LCOR: variants seen among roughly 807,000 people sequenced by gnomAD.
LCOR encodes the protein ligand-dependent corepressor.
LCOR carries 14 observed loss-of-function variants against 64.4 expected under a neutral mutation model. The ratio of observed to expected loss-of-function variants is 0.22; its 90% confidence interval spans 0.14 to 0.34. The LOEUF is 0.34. LCOR is among the 10% of genes least tolerant of loss of function. LCOR has a pLI of 1.00. For missense variants in LCOR, 1,686 were observed against 1,765.3 expected, an observed-to-expected ratio of 0.96 and a Z score of 0.80; for synonymous variants, 643 against 642.5, an observed-to-expected ratio of 1.00 and a Z score of -0.01.
At chr10:96,844,230 A>G (rs1845590497) in intron 2 of LCOR, among the ~76,000 whole-genome samples, 1 of 149,796 alleles carries the variant, frequency 6.7e-6, no homozygotes, top group African/African-American at 2.5e-5. Context: ...AACTCAGTGC[A>G]GCCTCCGACT....
At chr10:96,897,915 T>C (rs1275677943) in intron 2 of LCOR, among the ~76,000 whole-genome samples, 1 of 151,278 alleles carries the variant, frequency 6.6e-6, no homozygotes. Flanking sequence ...TACCCTTCTG[T>C]TTTATTTCTA....
At chr10:96,915,924 A>T in intron 4 of LCOR, 1 of 393,196 alleles carries the variant, frequency 2.5e-6, no homozygotes. Context: ...CGGCGGCAGG[A>T]TGTAGGTGCT....
chr10:96,979,706 A>ACT (rs1226106329), intron 7 of LCOR, among the ~76,000 whole-genome samples: 1 of 152,206 alleles, frequency 6.6e-6, no homozygotes, highest in Non-Finnish European at 1.5e-5. Flanking sequence ...CACTTAAGAG[A>ACT]CTGCGAATTG....
intron 7 of LCOR, among the ~76,000 whole-genome samples, chr10:96,971,211 A>G (rs981464786): frequency 6.6e-6 from 1 of 152,188 alleles, no homozygotes; most frequent in African/African-American, 2.4e-5. Flanking sequence ...CTGCCCTTCA[A>G]AATTCCCTTC....
At chr10:96,862,799 G>A (rs976773957) in intron 2 of LCOR, among the ~76,000 whole-genome samples, 1 of 152,070 alleles carries the variant, frequency 6.6e-6, no homozygotes, top group African/African-American at 2.4e-5. Context: ...AGGAGTTAAA[G>A]AGGGTCCAAG....
Position 96,985,307 on chromosome 10 carries a change from A to G in LCOR, c.*173A>G. Reference sequence around the variant, plus strand: ...CTCAGATGGAGAAGGGAACTTGCAGAGTCCTTCTCTGAGGCTAAGGGAAGT... The same window carrying G: ...CTCAGATGGAGAAGGGAACTTGCAGGGTCCTTCTCTGAGGCTAAGGGAAGT... On this transcript the variant is annotated 3_prime_UTR_variant, in exon 8 of 8. Transcript: ENST00000421806. 1 of 745,446 alleles carries G rather than the reference A, an allele frequency of 1.3e-6. No homozygotes were observed. The highest frequency in any genetic ancestry group is 2.0e-6 in the Non-Finnish European group (1 of 500,796). The allele number at this position is 745,446 out of a possible 1,614,324, so 46.2% of individuals were successfully genotyped here.
At chr10:96,973,529 A>G (rs776277206) in intron 7 of LCOR, among the ~76,000 whole-genome samples, 3 of 150,726 alleles carry the variant, frequency 2.0e-5, no homozygotes, top group Non-Finnish European at 4.5e-5. Context: ...CTTAAAGGAG[A>G]AGAAGTGAGT....
At position 96,892,299 on chromosome 10, in the gene LCOR, C is replaced by T. The variant is rs559996135; in HGVS notation, c.-329-14966C>T. On this transcript the variant is annotated intron_variant, in intron 2 of 7. Coordinates refer to ENST00000421806, the MANE Select transcript of LCOR (RefSeq NM_001346516.2). The stretch of plus-strand genomic sequence containing the variant: ...GTTAGGGGCATATATGTTTTTAATT[C>T]TTAAATGTTCTTGATTGACTCTTAT... 2.6e-4 allele frequency among the ~76,000 whole-genome samples: 40 copies of T among 152,170 alleles called. No individual in the cohort carries two copies. In the South Asian group the frequency reaches 8.1e-3, roughly 31 times the overall value.
rs1185936695 is a variant in LCOR at position 96,986,265 on chromosome 10, G to A, written c.*1131G>A. The A allele has an allele frequency of 1.2e-5, 2 of 165,214 alleles. No homozygotes were observed. Among genetic ancestry groups the A allele is most frequent in the East Asian group, 3.8e-4 (2 of 5,200 alleles). The allele number at this position is 165,214 out of a possible 1,614,324, so 10.2% of individuals were successfully genotyped here. On this transcript the variant is annotated 3_prime_UTR_variant, in exon 8 of 8. Transcript: ENST00000421806. Reference sequence around the variant, plus strand: ...GCAAAGGACAGATGGTTTAAAAGTAGCCCAGTGTCTCTGTGAGCATCCCCA... The same window carrying A: ...GCAAAGGACAGATGGTTTAAAAGTAACCCAGTGTCTCTGTGAGCATCCCCA...
At chr10:96,976,186 G>A (rs773159300) in intron 7 of LCOR, among the ~76,000 whole-genome samples, 1 of 152,138 alleles carries the variant, frequency 6.6e-6, no homozygotes, top group Non-Finnish European at 1.5e-5. Context: ...ACATACAAAT[G>A]ATCTTTTTTG....
At chr10:96,897,052 TGAGAGA>T (rs142740088) in intron 2 of LCOR, among the ~76,000 whole-genome samples, 24 of 124,246 alleles carry the variant, frequency 1.9e-4, no homozygotes, top group Admixed American at 5.0e-4. Context: ...TCCCAAGGAA[TGAGAGA>T]GAGAGAGAGA....
At chr10:96,873,416 A>C (rs1222267684) in intron 2 of LCOR, among the ~76,000 whole-genome samples, 2 of 152,106 alleles carry the variant, frequency 1.3e-5, no homozygotes, top group African/African-American at 4.8e-5. Context: ...TGAATTGCTG[A>C]GTTAGTAAAT....
At chr10:96,920,428 A>ATG (rs1847029600) in intron 4 of LCOR, among the ~76,000 whole-genome samples, 1 of 1,728 alleles carries the variant, frequency 5.8e-4, no homozygotes, top group African/African-American at 6.4e-4. Context: ...ATATTCATAT[A>ATG]TATGTGTATA....
At chr10:96,906,266 G>A (rs1045551822) in intron 2 of LCOR, among the ~76,000 whole-genome samples, 13 of 152,160 alleles carry the variant, frequency 8.5e-5, no homozygotes, top group Non-Finnish European at 1.3e-4. Flanking sequence ...CCTTTGAAAA[G>A]TAGTATGTAT....
intron 2 of LCOR, among the ~76,000 whole-genome samples, chr10:96,846,632 G>T (rs1845634564): frequency 6.6e-6 from 1 of 152,178 alleles, no homozygotes; most frequent in Non-Finnish European, 1.5e-5. Flanking sequence ...TCCTTTGTGA[G>T]ACTTGTATAA....
intron 2 of LCOR, among the ~76,000 whole-genome samples, chr10:96,863,124 C>G (rs1200002374): frequency 6.6e-6 from 1 of 151,338 alleles, no homozygotes; most frequent in Non-Finnish European, 1.5e-5. Context: ...CTCAAGTGAT[C>G]TGCCCACCTC....
At chr10:96,966,764 T>A (rs1847954997) in intron 7 of LCOR, among the ~76,000 whole-genome samples, 1 of 151,844 alleles carries the variant, frequency 6.6e-6, no homozygotes, top group African/African-American at 2.4e-5. Context: ...TGACAGGATC[T>A]CATTCTTATC....
chr10:96,941,599 T>C (rs1462355206), intron 4 of LCOR, among the ~76,000 whole-genome samples: 8 of 132,162 alleles, frequency 6.1e-5, no homozygotes, highest in East Asian at 2.5e-4. Flanking sequence ...CTCCTCACTT[T>C]CCAGACGGGG....
In LCOR at chr10:96,981,314, C is replaced by A; in HGVS notation, c.854C>A (p.Pro285His). The A allele has an allele frequency of 6.3e-7, 1 of 1,590,860 alleles. No homozygotes were observed. Among genetic ancestry groups the A allele is most frequent in the East Asian group, 2.2e-5 (1 of 44,528 alleles). The change falls in exon 8 of 8, where the codon CCT becomes CAT. Residue 285 changes from proline (P) to histidine (H), a missense_variant. By Grantham distance (77) the Pro-to-His change is moderately conservative. Transcript: ENST00000421806. ...TCCTCAGTGAACTTCCACCACATCC[C>A]TAAAATCTTGGAGGGGCAGACCACT... ...NCSSVNFHHI[P>H]KILEGQTTGQ...
Sources: allele counts gnomAD v4.1 joint callset (sites outside exome capture counted in the v4.1 genomes callset), GRCh38; gene constraint gnomAD v4.1.1; transcripts MANE v1.5; gene names NCBI Gene and HGNC (gene_info 2026-07-23, HGNC 2026-07-21).